The following SAMMSON variants were observed in gnomAD, a reference collection of about 807,000 sequenced individuals.
SAMMSON encodes long intergenic non-protein coding RNA 1212.
At chr3:70,078,964 T>A (rs1157898169) in intron 4 of SAMMSON, among the ~76,000 whole-genome samples, 2 of 152,218 alleles carry the variant, frequency 1.3e-5, no homozygotes, top group African/African-American at 4.8e-5. Flanking sequence ...CCACTGCCTG[T>A]TTTTGTAAAT....
At chr3:70,146,278 C>T (rs769639476) in intron 4 of SAMMSON, among the ~76,000 whole-genome samples, 1 of 151,814 alleles carries the variant, frequency 6.6e-6, no homozygotes, top group Non-Finnish European at 1.5e-5. Context: ...CTAATTATGC[C>T]CAATCTTGAG....
intron 3 of SAMMSON, among the ~76,000 whole-genome samples, chr3:70,046,303 A>C (rs1004269199): frequency 2.6e-5 from 4 of 152,100 alleles, no homozygotes; most frequent in African/African-American, 9.7e-5. Context: ...AAAGTGATTG[A>C]TGCAGATCTT....
Position 70,025,057 on chromosome 3 carries a change from A to G in SAMMSON, n.417+11385A>G, listed in dbSNP as rs201331773. 9.9e-5 allele frequency: 15 copies of G among 152,176 alleles called. No individual in the cohort carries two copies. The East Asian group carries it at 2.1e-3, about 22-fold the overall frequency. 9.4% of individuals were successfully genotyped at this position (152,176 alleles called of 1,614,324 possible). On this transcript the variant is annotated intron_variant and non_coding_transcript_variant, in intron 3 of 9. Transcript: ENST00000642114. ...TAACACCATGGGCTAAGATCTACAT[A>G]GTTACAAAGGGCATGTTATTTTATG...
At chr3:70,418,972 TCC>T (rs1559585531) in intron 2 of SAMMSON, among the ~76,000 whole-genome samples, 1 of 64,246 alleles carries the variant, frequency 1.6e-5, no homozygotes, top group Non-Finnish European at 4.3e-5. Context: ...TTCCTTTCCT[TCC>T]TTCCTTCTCT....
chr3:70,062,449 T>C (rs2067193909), intron 3 of SAMMSON, among the ~76,000 whole-genome samples: 1 of 152,090 alleles, frequency 6.6e-6, no homozygotes, highest in Admixed American at 6.6e-5. Flanking sequence ...CTCCTTAAAA[T>C]GTAAGCTCAT....
chr3:70,173,941 A>C (rs1009801730), intron 4 of SAMMSON, among the ~76,000 whole-genome samples: 6 of 151,872 alleles, frequency 4.0e-5, no homozygotes, highest in Admixed American at 6.6e-5. Flanking sequence ...GCATCTGGGG[A>C]ATGTAGAATG....
chr3:70,327,080 A>T (rs150916302), intron 7 of SAMMSON, among the ~76,000 whole-genome samples: 5 of 152,060 alleles, frequency 3.3e-5, no homozygotes, highest in Non-Finnish European at 7.4e-5. Flanking sequence ...CTGGTCTCGA[A>T]CTCTTCACCT....
chr3:70,028,135 CTTCCTTCT>C (rs1347814868), intron 3 of SAMMSON, among the ~76,000 whole-genome samples: 26 of 121,610 alleles, frequency 2.1e-4, no homozygotes, highest in Non-Finnish European at 1.2e-4. Flanking sequence ...CCGTCCCTTC[CTTCCTTCT>C]TTCCTTCCTT....
At chr3:70,173,189 G>A (rs991318329) in intron 4 of SAMMSON, among the ~76,000 whole-genome samples, 1 of 151,776 alleles carries the variant, frequency 6.6e-6, no homozygotes, top group African/African-American at 2.4e-5. Flanking sequence ...TCATATTAAC[G>A]CATTGAGAGT....
intron 7 of SAMMSON, among the ~76,000 whole-genome samples, chr3:70,317,616 A>G (rs1251054870): frequency 6.6e-6 from 1 of 151,320 alleles, no homozygotes; most frequent in African/African-American, 2.4e-5. Flanking sequence ...ATGTATGTAT[A>G]TATGTATATA....
At chr3:70,004,669 TAGTC>T in intron 1 of SAMMSON, among the ~76,000 whole-genome samples, 1 of 152,330 alleles carries the variant, frequency 6.6e-6, no homozygotes, top group African/African-American at 2.4e-5. Flanking sequence ...AATTAAAATT[TAGTC>T]AGCATACAAA....
At chr3:70,302,921 T>A (rs1177870937) in intron 7 of SAMMSON, among the ~76,000 whole-genome samples, 1 of 152,112 alleles carries the variant, frequency 6.6e-6, no homozygotes, top group African/African-American at 2.4e-5. Context: ...ATTTTAACCA[T>A]CAGCAGTAGG....
chr3:70,115,061 T>A (rs572928143), intron 4 of SAMMSON, among the ~76,000 whole-genome samples: 88 of 152,194 alleles, frequency 5.8e-4, no homozygotes, highest in Admixed American at 4.4e-3. Flanking sequence ...CATTGCAGAA[T>A]ATGCCTTATT....
At chr3:70,381,210 G>A (rs1044215076) in intron 9 of SAMMSON, among the ~76,000 whole-genome samples, 1 of 152,176 alleles carries the variant, frequency 6.6e-6, no homozygotes, top group Admixed American at 6.6e-5. Flanking sequence ...ATGTTGGGAA[G>A]TAAAGCATAT....
chr3:70,018,064 A>G (rs968616611), intron 3 of SAMMSON, among the ~76,000 whole-genome samples: 1 of 151,918 alleles, frequency 6.6e-6, no homozygotes, highest in Non-Finnish European at 1.5e-5. Context: ...TTGTGTCTCT[A>G]CCAGGCTTTG....
At chr3:70,261,087 C>T (rs1281304983) in intron 6 of SAMMSON, among the ~76,000 whole-genome samples, 1 of 152,120 alleles carries the variant, frequency 6.6e-6, no homozygotes, top group African/African-American at 2.4e-5. Flanking sequence ...ATTTAAAGTT[C>T]AATTCCATTA....
chr3:70,046,744 A>C lies in SAMMSON; in HGVS notation n.418-24732A>C, dbSNP rs138415334. Among the ~76,000 whole-genome samples the C allele has an allele frequency of 2.1e-3, 315 of 152,222 alleles. 2 individuals are homozygous for C. Among genetic ancestry groups the C allele is most frequent in the African/African-American group, 7.3e-3 (304 of 41,556 alleles). ...CACTGAGCAAAATCATGGTGTTGGC[A>C]GGGCTAAATTCCTTTCTGGAGGTCT... On this transcript the variant is annotated intron_variant and non_coding_transcript_variant, in intron 3 of 9. Transcript: ENST00000642114.
rs192223555 is a variant in SAMMSON, at chr3:70,262,063, C to T, written n.674+12393C>T. On this transcript the variant is annotated intron_variant and non_coding_transcript_variant, in intron 6 of 9. Coordinates refer to ENST00000642114, the Ensembl canonical transcript of SAMMSON. ...CCATTCCTCATGTGTCCTTGCTGGT[C>T]AATCTCACGATAAAGCCTTTTCTTT... is the stretch of plus-strand genomic sequence containing the variant. Among the ~76,000 whole-genome samples, 45 of 152,244 alleles carry T rather than the reference C, an allele frequency of 3.0e-4. 1 individual carries two copies. Among genetic ancestry groups the T allele is most frequent in the Admixed American group, 1.4e-3 (21 of 15,284 alleles).
chr3:70,178,770 A>G (rs1163968875), intron 4 of SAMMSON, among the ~76,000 whole-genome samples: 1 of 152,206 alleles, frequency 6.6e-6, no homozygotes, highest in Non-Finnish European at 1.5e-5. Flanking sequence ...ACACTCTGGG[A>G]GGCCAAGGGG....
Sources: gnomAD v4.1 joint callset for allele counts (sites outside exome capture counted in the v4.1 genomes callset) on GRCh38, gnomAD v4.1.1 for gene constraint, MANE v1.5 for transcripts, NCBI Gene and HGNC (gene_info 2026-07-23, HGNC 2026-07-21) for gene names.